Variants in LANCL2 observed in about 807,000 individuals in gnomAD.
LANCL2 encodes the protein lanC-like protein 2.
Under a neutral mutation model 56.9 loss-of-function variants are expected in LANCL2, and 33 were observed. That is an observed-to-expected ratio of 0.58 (90% confidence interval 0.44 to 0.78). LANCL2 has a LOEUF of 0.78. LANCL2 is among the 30% of genes least tolerant of loss of function. LANCL2 has a pLI of 0.00. For missense variants in LANCL2, 562 were observed against 580.2 expected (o/e 0.97, Z 0.32); for synonymous variants, 233 against 228.2 (o/e 1.02, Z -0.19).
Position 55,403,498 on chromosome 7 carries a change from C to T in LANCL2, c.825+2178C>T, listed in dbSNP as rs553610711. ...AGGAGGAGCCTTTCCAATTTTCTTT[C>T]GGTATGGAGTCTTAAAGCAGATTAG... On this transcript the variant is annotated intron_variant, in intron 5 of 8. Coordinates refer to ENST00000254770, the MANE Select transcript of LANCL2 (RefSeq NM_018697.4). Among the ~76,000 whole-genome samples the T allele has an allele frequency of 1.8e-4, 25 of 139,872 alleles. 1 individual carries two copies. The South Asian group carries it at 5.1e-3, about 29-fold the overall frequency. The allele number at this position is 139,872 out of a possible 152,430, so 91.8% of individuals were successfully genotyped here.
intron 1 of LANCL2, among the ~76,000 whole-genome samples, chr7:55,386,760 A>G (rs557894766): frequency 6.6e-6 from 1 of 152,352 alleles, no homozygotes; most frequent in Admixed American, 6.5e-5. Context: ...ATCATCTTCC[A>G]GCTGCTTCCT....
chr7:55,406,710 A>C (rs914661192), intron 5 of LANCL2, among the ~76,000 whole-genome samples: 6 of 152,054 alleles, frequency 3.9e-5, no homozygotes, highest in African/African-American at 1.2e-4. Context: ...ATATGCAAAA[A>C]CTCTTAAAAT....
intron 1 of LANCL2, among the ~76,000 whole-genome samples, chr7:55,383,747 G>C (rs933093686): frequency 4.6e-5 from 7 of 152,222 alleles, no homozygotes; most frequent in East Asian, 1.9e-4. Flanking sequence ...TGAGGCAGGA[G>C]AATCGCTTGA....
intron 4 of LANCL2, 28 bp from the exon 5 acceptor site, chr7:55,401,146 G>C (rs1790318032): frequency 6.2e-7 from 1 of 1,606,678 alleles, no homozygotes; most frequent in Admixed American, 1.7e-5. Context: ...TACAGTTTTA[G>C]ATTTATGCTG....
intron 6 of LANCL2, among the ~76,000 whole-genome samples, chr7:55,414,843 G>A (rs529803668): frequency 1.8e-4 from 28 of 151,896 alleles, no homozygotes; most frequent in African/African-American, 6.3e-4. Flanking sequence ...AATTATCTGG[G>A]TGTGGTGGCA....
At chr7:55,396,281 T>C (rs2128993211) in intron 2 of LANCL2, among the ~76,000 whole-genome samples, 1 of 151,624 alleles carries the variant, frequency 6.6e-6, no homozygotes, top group South Asian at 2.1e-4. Context: ...ACAACTCCCC[T>C]CATGCTTCTC....
chr7:55,408,697 G>A (rs1056252773), intron 5 of LANCL2, among the ~76,000 whole-genome samples: 3 of 151,340 alleles, frequency 2.0e-5, no homozygotes, highest in African/African-American at 4.9e-5. Flanking sequence ...AGAAATGAGG[G>A]ACATAGTTGC....
intron 6 of LANCL2, among the ~76,000 whole-genome samples, chr7:55,413,093 T>G (rs777765511): frequency 8.5e-5 from 13 of 152,184 alleles, no homozygotes; most frequent in Non-Finnish European, 1.8e-4. Flanking sequence ...AGAAAACAAC[T>G]CAGAAAGTTA....
rs768031875 is a variant in LANCL2 at position 55,401,230 on chromosome 7, G to A, written c.735G>A (p.Thr245=). ...CTTTGTCAAGGGAAGAAAGAAAAAC[G>A]GAGCGCTGCCCGCTGTTGTACCAGT... ...GKTLSREERK[T]ERCPLLYQWH... Residue 245 remains threonine (T), a synonymous_variant, in exon 5 of 9, where the codon ACG becomes ACA. Coordinates refer to ENST00000254770, the MANE Select transcript of LANCL2 (RefSeq NM_018697.4). 7.4e-6 allele frequency: 12 copies of A among 1,614,086 alleles called. No homozygotes were observed. Among genetic ancestry groups the A allele is most frequent in the South Asian group, 1.1e-5 (1 of 91,082 alleles).
rs577705754 is a variant in LANCL2, at chr7:55,432,406, A to T, written c.*1086A>T. The T allele has an allele frequency of 1.3e-5, 2 of 152,348 alleles. No homozygotes were observed. Among genetic ancestry groups the T allele is most frequent in the South Asian group, 2.1e-4 (1 of 4,828 alleles). The allele number at this position is 152,348 out of a possible 1,614,324, so 9.4% of individuals were successfully genotyped here. On this transcript the variant is annotated 3_prime_UTR_variant, in exon 9 of 9. Transcript: ENST00000254770. ...GAGAAACATAATGTTCTAACCAACAACATTATGGTATTTGTGTGACTTTTA... is the reference window on the plus strand; with the variant it reads ...GAGAAACATAATGTTCTAACCAACATCATTATGGTATTTGTGTGACTTTTA...
Position 55,365,998 on chromosome 7 carries a change from C to G in LANCL2, c.-28C>G. The G allele has an allele frequency of 7.1e-7, 1 of 1,412,322 alleles. No homozygotes were observed. The highest frequency in any genetic ancestry group is 9.3e-7 in the Non-Finnish European group (1 of 1,076,526). The allele number at this position is 1,412,322 out of a possible 1,614,324, so 87.5% of individuals were successfully genotyped here. A position where few individuals can be genotyped will look rare whatever the true frequency, so the allele number is the denominator to read the frequency against. ...GCAGCGCCGGGACAGGAGGTTTGTC[C>G]CCGCCCGCGCGCCGTACCGCGGCGG... On this transcript the variant is annotated 5_prime_UTR_variant, in exon 1 of 9. Transcript: ENST00000254770.
chr7:55,407,077 G>C lies in LANCL2; in HGVS notation c.826-4830G>C, dbSNP rs927811200. ...TGGCACAGGAGGCTTCTTTGAGCAT[G>C]TGCAGTGGTTGGACCTCTGTGAGCA... is the stretch of plus-strand genomic sequence containing the variant. On this transcript the variant is annotated intron_variant, in intron 5 of 8. Coordinates refer to ENST00000254770, the MANE Select transcript of LANCL2 (RefSeq NM_018697.4). 5.3e-5 allele frequency among the ~76,000 whole-genome samples: 8 copies of C among 152,336 alleles called. No individual in the cohort carries two copies. In the South Asian group the frequency reaches 1.7e-3, roughly 32 times the overall value.
Position 55,366,158 on chromosome 7 carries a change from G to A in LANCL2, c.133G>A (p.Glu45Lys), listed in dbSNP as rs780383633. Residue 45 changes from glutamate to lysine, a missense_variant, in exon 1 of 9, where the codon GAA becomes AAA. Glu to Lys is a moderately conservative substitution (Grantham distance 56, BLOSUM62 1). Around this residue, in one of 2 missense-constraint regions of LANCL2, gnomAD observed 184 missense variants for 111.8 expected, o/e 1.65. Transcript: ENST00000254770. ...AGALLASGAA[E>K]ETGCVRPPAT... ...GGCGCTGCTCGCCTCCGGAGCGGCC[G>A]AAGAGACAGGCTGTGTTCGTCCCCC... 1.9e-6 allele frequency: 3 copies of A among 1,556,570 alleles called. No individual in the cohort carries two copies. The South Asian group carries it at 3.6e-5, about 18-fold the overall frequency.
intron 2 of LANCL2, among the ~76,000 whole-genome samples, chr7:55,394,308 A>T (rs1790224962): frequency 6.6e-6 from 1 of 152,182 alleles, no homozygotes; most frequent in Admixed American, 6.5e-5. Context: ...ACAGTGGCTC[A>T]TACCTGTAAT....
At chr7:55,387,236 AAC>A in intron 1 of LANCL2, among the ~76,000 whole-genome samples, 1 of 152,222 alleles carries the variant, frequency 6.6e-6, no homozygotes, top group East Asian at 1.9e-4. Flanking sequence ...GACTCATAGG[AAC>A]AGTGTGAGAC....
intron 5 of LANCL2, among the ~76,000 whole-genome samples, chr7:55,409,300 G>T (rs1034351751): frequency 6.6e-6 from 1 of 151,638 alleles, no homozygotes; most frequent in Non-Finnish European, 1.5e-5. Flanking sequence ...CACCGTATTA[G>T]CCAGGACGGT....
At position 55,428,384 on chromosome 7, in the gene LANCL2, T is replaced by G; in HGVS notation, c.1195T>G (p.Trp399Gly). Residue 399 changes from tryptophan to glycine, a missense_variant, in exon 8 of 9, where the codon TGG becomes GGG. Physicochemically the swap from Trp to Gly is radical, Grantham distance 184. Around this residue, in one of 2 missense-constraint regions of LANCL2, gnomAD observed 378 missense variants for 468.4 expected, o/e 0.81. Coordinates refer to ENST00000254770, the MANE Select transcript of LANCL2 (RefSeq NM_018697.4). ...YLYRACKFAE[W>G]CLDYGAHGCR... The stretch of plus-strand genomic sequence containing the variant: ...ATCCCTTTCTTTTCAGTTTGCAGAG[T>G]GGTGTCTAGATTACGGAGCACACGG... The G allele has an allele frequency of 6.2e-7, 1 of 1,613,932 alleles. No homozygotes were observed. Among genetic ancestry groups the G allele is most frequent in the Non-Finnish European group, 8.5e-7 (1 of 1,179,822 alleles).
intron 1 of LANCL2, among the ~76,000 whole-genome samples, chr7:55,378,392 A>G (rs914968899): frequency 6.6e-6 from 1 of 152,120 alleles, no homozygotes; most frequent in African/African-American, 2.4e-5. Context: ...CCCAGGAGGT[A>G]GGAGGTTGCA....
rs1315447678 is a variant in LANCL2 at position 55,370,679 on chromosome 7, C to T, written c.204+4450C>T. Among the ~76,000 whole-genome samples, 4 of 152,200 alleles carry T rather than the reference C, an allele frequency of 2.6e-5. No homozygotes were observed. The South Asian group carries it at 8.3e-4, about 31-fold the overall frequency. On this transcript the variant is annotated intron_variant, in intron 1 of 8. Coordinates refer to ENST00000254770, the MANE Select transcript of LANCL2 (RefSeq NM_018697.4). ...GAAGGCTTTTTAGACTAAAATGATA[C>T]TTTCATGGTCCTTGAAAGATTAAGT...
Sources: gnomAD v4.1 joint callset for allele counts (sites outside exome capture counted in the v4.1 genomes callset) on GRCh38, gnomAD v4.1.1 for gene constraint, gnomAD v4.1.1 regional missense constraint, MANE v1.5 for transcripts, NCBI Gene and HGNC (gene_info 2026-07-23, HGNC 2026-07-21) for gene names.